RORA: variants seen among roughly 807,000 people sequenced by gnomAD.
RORA encodes the protein nuclear receptor ROR-alpha.
A neutral mutation model predicts 69.5 loss-of-function variants in RORA; 7 were observed. The observed-to-expected ratio is 0.10, with a 90% confidence interval of 0.06 to 0.19. The LOEUF is 0.19. RORA is among the 10% of genes least tolerant of loss of function. RORA has a pLI of 1.00. For synonymous variants in RORA, 261 were observed against 240.8 expected, an observed-to-expected ratio of 1.08 and a Z score of -0.78; for missense variants, 457 against 663.0, an observed-to-expected ratio of 0.69 and a Z score of 3.41.
intron 1 of RORA, among the ~76,000 whole-genome samples, chr15:61,194,432 G>A (rs2079828748): frequency 6.6e-6 from 1 of 151,818 alleles, no homozygotes; most frequent in East Asian, 1.9e-4. Context: ...TAGTGGTGGT[G>A]CATGCCTGTA....
intron 1 of RORA, among the ~76,000 whole-genome samples, chr15:60,681,135 T>C (rs1356015562): frequency 6.6e-6 from 1 of 152,224 alleles, no homozygotes; most frequent in Admixed American, 6.5e-5. Flanking sequence ...ATAGAAGCTC[T>C]AGTACTTCAT....
rs1001424659 is a variant in RORA, at chr15:60,905,994, A to C, written c.167-227308T>G. On this transcript the variant is annotated intron_variant, in intron 1 of 10. Transcript: ENST00000335670. The surrounding 1 kb of genome is among the most constrained non-coding windows in gnomAD (Gnocchi z 4.8). Reference sequence around the variant, plus strand: ...GTTTCATAAATAAATCAGCAAATCTACAAAAAGACTTCTCTCTTTTAATGA... The same window carrying C: ...GTTTCATAAATAAATCAGCAAATCTCCAAAAAGACTTCTCTCTTTTAATGA... Among the ~76,000 whole-genome samples the C allele has an allele frequency of 2.0e-5, 3 of 152,244 alleles. No homozygotes were observed. The highest frequency in any genetic ancestry group is 4.4e-5 in the Non-Finnish European group (3 of 68,046).
At chr15:60,502,919 AGTTT>A (rs770817014) in intron 7 of RORA, 52 bp from the exon 8 acceptor site, 5 of 1,194,782 alleles carry the variant, frequency 4.2e-6, no homozygotes, top group African/African-American at 1.5e-5. Context: ...GATGTTAGTG[AGTTT>A]GTTTCTAAGC....
At chr15:60,978,884 C>T (rs1047774802) in intron 1 of RORA, among the ~76,000 whole-genome samples, 2 of 151,338 alleles carry the variant, frequency 1.3e-5, no homozygotes, top group African/African-American at 4.9e-5. Context: ...ATCCTTATAT[C>T]AGCACTACAC....
At chr15:60,615,810 G>A (rs553980194) in intron 2 of RORA, among the ~76,000 whole-genome samples, 1 of 152,318 alleles carries the variant, frequency 6.6e-6, no homozygotes, top group South Asian at 2.1e-4. Context: ...ACGAGGCCCT[G>A]CTGCCTGAAA....
chr15:61,045,777 T>A (rs1395962606), intron 1 of RORA, among the ~76,000 whole-genome samples: 1 of 152,234 alleles, frequency 6.6e-6, no homozygotes, highest in Non-Finnish European at 1.5e-5. Context: ...CTACTCCCCA[T>A]TCCATTCCTT....
intron 1 of RORA, among the ~76,000 whole-genome samples, chr15:61,110,426 A>G (rs1248607354): frequency 6.6e-6 from 1 of 152,052 alleles, no homozygotes; most frequent in Admixed American, 6.5e-5. Context: ...AGAATTATGT[A>G]CAGCATATAA....
At chr15:60,831,085 G>C (rs2140390987) in intron 1 of RORA, among the ~76,000 whole-genome samples, 2 of 152,326 alleles carry the variant, frequency 1.3e-5, no homozygotes, top group South Asian at 4.1e-4. Context: ...CAGATGAAGG[G>C]CCTTTACAGT....
chr15:60,516,362 G>A (rs1241522958), intron 3 of RORA, among the ~76,000 whole-genome samples: 1 of 141,816 alleles, frequency 7.1e-6, no homozygotes, highest in Non-Finnish European at 1.5e-5. Context: ...GAGTCCCAAA[G>A]TGTTGGGATT....
intron 1 of RORA, among the ~76,000 whole-genome samples, chr15:61,092,180 A>C (rs988439314): frequency 2.0e-5 from 3 of 152,256 alleles, no homozygotes; most frequent in African/African-American, 7.2e-5. Flanking sequence ...ATAGTCACCT[A>C]TATTGTTTAG....
chr15:61,065,245 CTG>C (rs988232018), intron 1 of RORA, among the ~76,000 whole-genome samples: 4 of 152,208 alleles, frequency 2.6e-5, no homozygotes, highest in Non-Finnish European at 4.4e-5. Context: ...CTGTTTGTAA[CTG>C]TTTTATTTAG....
chr15:60,760,060 T>A (rs2071863749), intron 1 of RORA, among the ~76,000 whole-genome samples: 2 of 152,190 alleles, frequency 1.3e-5, no homozygotes, highest in Non-Finnish European at 2.9e-5. Flanking sequence ...CCCCTGAATA[T>A]TTTATAAAAA....
chr15:60,654,535 T>A (rs918891512), intron 2 of RORA, among the ~76,000 whole-genome samples: 5 of 152,084 alleles, frequency 3.3e-5, no homozygotes, highest in African/African-American at 1.2e-4. Context: ...GAGTAATGTG[T>A]CCCCACCCCC....
chr15:61,082,549 T>A (rs1230329573), intron 1 of RORA, among the ~76,000 whole-genome samples: 1 of 152,180 alleles, frequency 6.6e-6, no homozygotes, highest in Non-Finnish European at 1.5e-5. Flanking sequence ...ATGCAAAACC[T>A]GCCCCTACAG....
intron 2 of RORA, among the ~76,000 whole-genome samples, chr15:60,617,669 G>C (rs1189802555): frequency 6.6e-6 from 1 of 150,780 alleles, no homozygotes; most frequent in Non-Finnish European, 1.5e-5. Context: ...CAGAGAGAGA[G>C]AGAGAGAGAG....
chr15:60,538,600 TC>T (rs996150188), intron 2 of RORA, among the ~76,000 whole-genome samples: 3 of 152,278 alleles, frequency 2.0e-5, no homozygotes, highest in Admixed American at 1.3e-4. Context: ...CAAGATGCTT[TC>T]CCAAGGGACT....
At chr15:60,544,621 G>GT (rs1399892846) in intron 2 of RORA, among the ~76,000 whole-genome samples, 1 of 151,834 alleles carries the variant, frequency 6.6e-6, no homozygotes, top group Non-Finnish European at 1.5e-5. Context: ...AAAAATAAAA[G>GT]TTTTTTTTCC....
At chr15:60,982,715 T>G (rs1415348754) in intron 1 of RORA, among the ~76,000 whole-genome samples, 2 of 152,232 alleles carry the variant, frequency 1.3e-5, no homozygotes. Context: ...ACCACAGTTT[T>G]GCTTTTTTCA....
At chr15:60,629,456 C>T (rs1396952360) in intron 2 of RORA, among the ~76,000 whole-genome samples, 1 of 152,104 alleles carries the variant, frequency 6.6e-6, no homozygotes, top group African/African-American at 2.4e-5. Flanking sequence ...TCCTTGAGGG[C>T]AAGTACTGCG....
Sources: allele counts gnomAD v4.1 joint callset (sites outside exome capture counted in the v4.1 genomes callset), GRCh38; gene constraint gnomAD v4.1.1; non-coding constraint Gnocchi (gnomAD v3.1); transcripts MANE v1.5; gene names NCBI Gene and HGNC (gene_info 2026-07-23, HGNC 2026-07-21).